FGF13: variants seen among roughly 807,000 people sequenced by gnomAD.
FGF13 encodes fibroblast growth factor homologous factor 2.
A neutral mutation model predicts 19.5 loss-of-function variants in FGF13; 2 were observed. The observed-to-expected ratio is 0.10, with a 90% CI of 0.04 to 0.32. The LOEUF is 0.32. Among genes scored for constraint, FGF13 ranks in the 10% least tolerant of loss-of-function variants. The pLI is 1.00. For synonymous variants in FGF13, 72 were observed against 76.9 expected, an observed-to-expected ratio of 0.94 and a Z score of 0.33; for missense variants, 113 against 192.7, an observed-to-expected ratio of 0.59 and a Z score of 2.45.
intron 1 of FGF13, among the ~76,000 whole-genome samples, chrX:139,020,133 T>C (rs1376543526): frequency 1.8e-5 from 2 of 111,422 alleles, no homozygotes; most frequent in Non-Finnish European, 3.8e-5. Context: ...CTCATACTTT[T>C]ATAAGAAGGA....
chrX:138,769,691 A>T (rs1447829722), intron 3 of FGF13, among the ~76,000 whole-genome samples: 2 of 112,198 alleles, frequency 1.8e-5, no homozygotes, highest in Admixed American at 9.5e-5. Flanking sequence ...GATTAGCTAT[A>T]GAACAATCTG....
At chrX:138,971,749 A>G (rs894121293) in intron 1 of FGF13, among the ~76,000 whole-genome samples, 2 of 111,531 alleles carry the variant, frequency 1.8e-5, no homozygotes, top group Non-Finnish European at 3.8e-5. Flanking sequence ...GCTATTTTGA[A>G]GTATACAATA....
chrX:138,749,702 C>T (rs2090383867), intron 3 of FGF13, among the ~76,000 whole-genome samples: 1 of 111,326 alleles, frequency 9.0e-6, no homozygotes, highest in South Asian at 3.8e-4. Flanking sequence ...AGGCTTGGGA[C>T]AGTCTAGCAC....
At chrX:138,833,499 C>A (rs965918957) in intron 3 of FGF13, among the ~76,000 whole-genome samples, 9 of 111,936 alleles carry the variant, frequency 8.0e-5, no homozygotes, top group Admixed American at 1.9e-4. Context: ...GAATTTTGCA[C>A]ACTGATTTTG....
chrX:138,774,869 A>G (rs2090576694), intron 3 of FGF13, among the ~76,000 whole-genome samples: 1 of 112,544 alleles, frequency 8.9e-6, no homozygotes, highest in South Asian at 3.6e-4. Flanking sequence ...TCAGCAATTT[A>G]TTTTCATTAA....
At chrX:139,039,895 G>A (rs996773589) in intron 1 of FGF13, among the ~76,000 whole-genome samples, 1 of 111,838 alleles carries the variant, frequency 8.9e-6, no homozygotes, top group Non-Finnish European at 1.9e-5. Context: ...TGCAAGGGAA[G>A]GTGAAAAATA....
chrX:138,622,130 G>T lies in FGF13; in HGVS notation c.*10720C>A, dbSNP rs2089020222. On this transcript the variant is annotated 3_prime_UTR_variant, in exon 5 of 5. Transcript: ENST00000315930. ...AAACCAGCATTATTCTCCTACCAAA[G>T]CCAGGCAAGGACACTACAAGAAAAA... 1 of 108,587 alleles carries T rather than the reference G, an allele frequency of 9.2e-6. No individual in the cohort carries two copies. Among genetic ancestry groups the T allele is most frequent in the Non-Finnish European group, 1.9e-5 (1 of 52,352 alleles). 8.9% of individuals were successfully genotyped at this position (108,587 alleles called of 1,213,427 possible). A position where few individuals can be genotyped will look rare whatever the true frequency, so the allele number is the denominator to read the frequency against.
intron 1 of FGF13, among the ~76,000 whole-genome samples, chrX:139,043,621 C>A (rs928626906): frequency 1.8e-5 from 2 of 111,065 alleles, no homozygotes; most frequent in South Asian, 7.6e-4. Context: ...TAGGTATCTA[C>A]CCAAAATAAT....
chrX:139,166,979 A>T (rs904257458), intron 1 of FGF13, among the ~76,000 whole-genome samples: 4 of 111,204 alleles, frequency 3.6e-5, no homozygotes, highest in Non-Finnish European at 7.5e-5. Flanking sequence ...TTACCCTCAC[A>T]TATGCTTCCC....
At chrX:138,896,532 C>T (rs2091505121) in intron 1 of FGF13, among the ~76,000 whole-genome samples, 1 of 111,632 alleles carries the variant, frequency 9.0e-6, no homozygotes, top group Admixed American at 9.6e-5. Flanking sequence ...AGTCTCCTCT[C>T]TAACCATTCA....
In FGF13 at chrX:138,632,194, A is replaced by AG. The variant is rs1294508731; in HGVS notation, c.*655dup. 3.6e-5 allele frequency: 4 copies of AG among 111,421 alleles called. No homozygotes were observed. The highest frequency in any genetic ancestry group is 1.3e-4 in the African/African-American group (4 of 30,708). The allele number at this position is 111,421 out of a possible 1,213,427, so 9.2% of individuals were successfully genotyped here. On this transcript the variant is annotated 3_prime_UTR_variant, in exon 5 of 5. Transcript: ENST00000315930. ...CAAATCTAAAAAAAAAAAAAAAGAA[A>AG]GAAAAACAATTGGTCAAACCACAAG...
intron 3 of FGF13, among the ~76,000 whole-genome samples, chrX:138,677,061 C>T (rs940620892): frequency 8.9e-6 from 1 of 112,263 alleles, no homozygotes; most frequent in East Asian, 2.8e-4. Context: ...CTTCAAATTT[C>T]GTTGATCCTT....
chrX:139,048,175 T>C (rs1214927754), intron 1 of FGF13, among the ~76,000 whole-genome samples: 2 of 111,357 alleles, frequency 1.8e-5, no homozygotes, highest in East Asian at 5.6e-4. Context: ...TTTGTACATG[T>C]TGTGAAGAAG....
At chrX:138,734,086 T>C in intron 1 of FGF13, among the ~76,000 whole-genome samples, 1 of 111,803 alleles carries the variant, frequency 8.9e-6, no homozygotes, top group East Asian at 2.8e-4. Flanking sequence ...TATTCAGTAC[T>C]GCATACCTAG....
At chrX:138,854,444 C>T (rs781255523), downstream of FGF13, among the ~76,000 whole-genome samples, 3 of 111,018 alleles carry the variant, frequency 2.7e-5, no homozygotes, top group African/African-American at 9.8e-5. Context: ...ACAAAAATAT[C>T]TATAAAAAGA....
rs538580809 is a variant in FGF13 at position 138,645,608 on chromosome X, C to G, written c.403-9953G>C. The stretch of plus-strand genomic sequence containing the variant: ...GAAATGCTCGACAACTACCAGATCT[C>G]TTCCCTTCCTTTAACTTTCCATTTG... On this transcript the variant is annotated intron_variant, in intron 3 of 4. Coordinates refer to ENST00000315930, the MANE Select transcript of FGF13 (RefSeq NM_004114.5). Among the ~76,000 whole-genome samples, 3 of 112,249 alleles carry G rather than the reference C, an allele frequency of 2.7e-5. No individual in the cohort carries two copies. The Admixed American group carries it at 2.8e-4, about 11-fold the overall frequency.
At position 138,980,346 on chromosome X, in the gene FGF13, C is replaced by T. The variant is rs147793070; in HGVS notation, c.-112-115696G>A. 7.1e-3 allele frequency among the ~76,000 whole-genome samples: 787 copies of T among 111,572 alleles called. 6 individuals are homozygous for T. The highest frequency in any genetic ancestry group is 0.023 in the African/African-American group (706 of 30,706). On this transcript the variant is annotated intron_variant, in intron 1 of 2. Coordinates refer to the FGF13 transcript ENST00000421460. ...ATTTGTATTACTGGATTCTGCAAAT[C>T]TCCTTGAAACATGTAGCATCCTACC...
chrX:138,640,714 A>G (rs1213999239), intron 3 of FGF13, among the ~76,000 whole-genome samples: 1 of 112,217 alleles, frequency 8.9e-6, no homozygotes, highest in East Asian at 2.8e-4. Flanking sequence ...CATCTCCAAT[A>G]CCAAAAGATA....
chrX:138,967,526 A>G (rs1034794372), intron 1 of FGF13, among the ~76,000 whole-genome samples: 1 of 111,463 alleles, frequency 9.0e-6, no homozygotes, highest in Admixed American at 9.6e-5. Context: ...GTAAAACTGG[A>G]CAAGGAGGCT....
Sources: allele counts gnomAD v4.1 joint callset (sites outside exome capture counted in the v4.1 genomes callset), GRCh38; gene constraint gnomAD v4.1.1; transcripts MANE v1.5; gene names NCBI Gene and HGNC (gene_info 2026-07-23, HGNC 2026-07-21).